The following KCNH7 variants were observed in gnomAD, a reference collection of about 807,000 sequenced individuals.
The protein encoded by KCNH7 is potassium voltage-gated channel subfamily H member 7.
In KCNH7, 49 loss-of-function variants were observed where a neutral mutation model predicts 120.8. The observed-to-expected ratio is 0.41, with a 90% CI of 0.32 to 0.51. The LOEUF (loss-of-function observed/expected upper bound fraction) is 0.51. Among genes scored for constraint, KCNH7 ranks in the 20% least tolerant of loss-of-function variants. KCNH7 has a pLI of 0.38. For missense variants in KCNH7, 1,097 were observed against 1,446.6 expected (o/e 0.76, Z 3.92); for synonymous variants, 547 against 516.1 (o/e 1.06, Z -0.81).
At chr2:162,776,587 T>C (rs1264721918) in intron 2 of KCNH7, among the ~76,000 whole-genome samples, 4 of 151,874 alleles carry the variant, frequency 2.6e-5, no homozygotes, top group African/African-American at 4.8e-5. Context: ...ATTAAGGAGA[T>C]GCATTGGGAG....
intron 2 of KCNH7, among the ~76,000 whole-genome samples, chr2:162,622,954 A>G (rs1336594677): frequency 6.6e-6 from 1 of 152,196 alleles, no homozygotes; most frequent in Admixed American, 6.5e-5. Flanking sequence ...GAAATATTTC[A>G]TATTTCTATT....
intron 2 of KCNH7, among the ~76,000 whole-genome samples, chr2:162,722,805 C>CTTTTTTCTTT (rs1559100199): frequency 1.3e-5 from 1 of 79,876 alleles, no homozygotes; most frequent in African/African-American, 7.6e-5. Context: ...TTCATTCATT[C>CTTTTTTCTTT]TTTTTTTCTT....
intron 12 of KCNH7, among the ~76,000 whole-genome samples, chr2:162,389,827 A>T (rs183661285): frequency 1.3e-5 from 2 of 152,220 alleles, no homozygotes; most frequent in East Asian, 3.9e-4. Context: ...TGCTAAATTA[A>T]CTAGAAAATA....
chr2:162,658,723 T>G (rs1036933338), intron 2 of KCNH7, among the ~76,000 whole-genome samples: 1 of 152,214 alleles, frequency 6.6e-6, no homozygotes, highest in Non-Finnish European at 1.5e-5. Context: ...ATTTCATTTT[T>G]GTGGTGTTAA....
chr2:162,396,795 T>A lies in KCNH7; in HGVS notation c.2558A>T (p.Asp853Val), dbSNP rs1402376213. The change falls in exon 11 of 16, where the codon GAT (aspartate) becomes GTT (valine). Residue 853 changes from aspartate (D) to valine (V), a missense_variant. By Grantham distance (152) the Asp-to-Val change is radical (BLOSUM62 -3). Transcript: ENST00000332142. Reference protein sequence around the residue: ...EVLDMYPEFSDHFLTNLELTF... With the variant: ...EVLDMYPEFSVHFLTNLELTF... ...CAACTCTAGGTTTGTTAGAAAGTGA[T>A]CAGAAAACTCAGGATACATATCCAA... is the stretch of plus-strand genomic sequence containing the variant. The A allele has an allele frequency of 5.6e-6, 9 of 1,611,808 alleles. No homozygotes were observed. The highest frequency in any genetic ancestry group is 7.6e-6 in the Non-Finnish European group (9 of 1,178,728).
chr2:162,490,521 G>A (rs940885811), intron 6 of KCNH7, among the ~76,000 whole-genome samples: 2 of 152,172 alleles, frequency 1.3e-5, no homozygotes, highest in African/African-American at 2.4e-5. Context: ...TTGGGAGCTC[G>A]CACAGGATGC....
chr2:162,719,903 C>T (rs1034374328), intron 2 of KCNH7, among the ~76,000 whole-genome samples: 1 of 151,984 alleles, frequency 6.6e-6, no homozygotes, highest in Non-Finnish European at 1.5e-5. Flanking sequence ...ATAATACACT[C>T]TTCATTTGTG....
intron 6 of KCNH7, among the ~76,000 whole-genome samples, chr2:162,470,639 G>A (rs1228889962): frequency 7.4e-4 from 110 of 148,428 alleles, no homozygotes; most frequent in Non-Finnish European, 1.3e-3. Flanking sequence ...TCAGCCCCCC[G>A]CCCGGCCAGC....
rs1409468327 is a variant in KCNH7 at position 162,446,463 on chromosome 2, T to A, written c.1129-20A>T. On this transcript the variant is annotated intron_variant, in intron 6 of 15. Transcript: ENST00000332142. ...GAGAACCTGAATGTGCAAAAGAAAATCATACACTACATAAATATGCCATTT... is the reference window on the plus strand; with the variant it reads ...GAGAACCTGAATGTGCAAAAGAAAAACATACACTACATAAATATGCCATTT... 6.4e-7 allele frequency: 1 copy of A among 1,569,310 alleles called. No individual in the cohort carries two copies. The highest frequency in any genetic ancestry group is 1.4e-5 in the African/African-American group (1 of 73,664).
chr2:162,590,472 A>G (rs1344916081), intron 2 of KCNH7, among the ~76,000 whole-genome samples: 1 of 152,152 alleles, frequency 6.6e-6, no homozygotes, highest in Non-Finnish European at 1.5e-5. Context: ...ATCTTGATGG[A>G]TCATACCTAA....
At chr2:162,419,203 T>G (rs1376612738) in intron 9 of KCNH7, among the ~76,000 whole-genome samples, 2 of 148,866 alleles carry the variant, frequency 1.3e-5, no homozygotes, top group Non-Finnish European at 3.0e-5. Flanking sequence ...AGTTTATACC[T>G]CTTCCTAGGC....
At chr2:162,558,321 C>T (rs1220822714) in intron 2 of KCNH7, among the ~76,000 whole-genome samples, 2 of 151,880 alleles carry the variant, frequency 1.3e-5, no homozygotes, top group Non-Finnish European at 2.9e-5. Flanking sequence ...ACTACAGGTG[C>T]CCGCCACCAT....
intron 2 of KCNH7, among the ~76,000 whole-genome samples, chr2:162,835,012 A>G (rs2105626586): frequency 6.6e-6 from 1 of 152,240 alleles, no homozygotes; most frequent in East Asian, 1.9e-4. Context: ...AATTATTCCA[A>G]ACGTCCAGAT....
At chr2:162,413,285 C>A (rs574210553) in intron 9 of KCNH7, among the ~76,000 whole-genome samples, 34 of 152,010 alleles carry the variant, frequency 2.2e-4, no homozygotes, top group Admixed American at 2.2e-3. Flanking sequence ...CCTGCCACCA[C>A]GACCAGCTAA....
At chr2:162,502,373 T>C (rs1231902872) in intron 6 of KCNH7, 1 of 152,106 alleles carries the variant, frequency 6.6e-6, no homozygotes, top group Non-Finnish European at 1.5e-5. Context: ...TTGCTTGTTA[T>C]GGTACGTAGT....
At chr2:162,646,988 A>G (rs1346685617) in intron 2 of KCNH7, among the ~76,000 whole-genome samples, 3 of 152,218 alleles carry the variant, frequency 2.0e-5, no homozygotes. Flanking sequence ...ACCTTGTGGT[A>G]ATTCATTACC....
chr2:162,413,907 A>C (rs1302312023), intron 9 of KCNH7, among the ~76,000 whole-genome samples: 2 of 152,006 alleles, frequency 1.3e-5, no homozygotes, highest in Admixed American at 1.3e-4. Flanking sequence ...TTCTTATAAA[A>C]TAAAATAATA....
At chr2:162,463,849 C>A (rs1159769992) in intron 6 of KCNH7, among the ~76,000 whole-genome samples, 1 of 148,050 alleles carries the variant, frequency 6.8e-6, no homozygotes, top group Non-Finnish European at 1.5e-5. Flanking sequence ...TAAAAAGTTA[C>A]CAAATAAACC....
intron 8 of KCNH7, among the ~76,000 whole-genome samples, chr2:162,431,242 A>C (rs1688056494): frequency 6.6e-6 from 1 of 152,062 alleles, no homozygotes; most frequent in South Asian, 2.1e-4. Context: ...TAAAGATTAG[A>C]GTTAAACACA....
Sources: gnomAD v4.1 joint callset for allele counts (sites outside exome capture counted in the v4.1 genomes callset) on GRCh38, gnomAD v4.1.1 for gene constraint, MANE v1.5 for transcripts, NCBI Gene and HGNC (gene_info 2026-07-23, HGNC 2026-07-21) for gene names.